BRWD1: variants seen among roughly 807,000 people sequenced by gnomAD.
The protein encoded by BRWD1 is bromodomain and WD repeat domain containing 1.
In BRWD1, 82 loss-of-function variants were observed where a neutral mutation model predicts 251.2. The observed-to-expected ratio is 0.33, with a 90% CI of 0.27 to 0.39. The LOEUF is 0.39. BRWD1 is among the 10% of genes least tolerant of loss of function. BRWD1 has a pLI of 1.00. For missense variants in BRWD1, 2,233 were observed against 2,711.6 expected (o/e 0.82, Z 3.92); for synonymous variants, 918 against 902.8 (o/e 1.02, Z -0.30).
chr21:39,304,182 G>C (rs1212687660), intron 4 of BRWD1, among the ~76,000 whole-genome samples: 1 of 140,764 alleles, frequency 7.1e-6, no homozygotes, highest in Non-Finnish European at 1.6e-5. Flanking sequence ...AGAATAAGTA[G>C]AATACTTTTT....
At chr21:39,292,732 C>T (rs976671357) in intron 8 of BRWD1, among the ~76,000 whole-genome samples, 10 of 116,854 alleles carry the variant, frequency 8.6e-5, no homozygotes, top group African/African-American at 2.8e-4. Context: ...GGTCCTTCAA[C>T]GAAGAAACTG....
rs2031748319 is a variant in BRWD1 at position 39,195,224 on chromosome 21, A to C, written c.*1035T>G. On this transcript the variant is annotated 3_prime_UTR_variant, in exon 41 of 41. Transcript: ENST00000342449. The stretch of plus-strand genomic sequence containing the variant: ...GTAAACTAAAACAAAGAGATGGAGA[A>C]TGACATTTAGCTATTTTCCTATATA... The C allele has an allele frequency of 9.6e-7, 1 of 1,037,714 alleles. No homozygotes were observed. The highest frequency in any genetic ancestry group is 1.7e-5 in the African/African-American group (1 of 57,928). The allele number at this position is 1,037,714 out of a possible 1,614,324, so 64.3% of individuals were successfully genotyped here. A position where few individuals can be genotyped will look rare whatever the true frequency, so the allele number is the denominator to read the frequency against.
chr21:39,270,527 C>G (rs1045975233), intron 13 of BRWD1, 94 bp from the exon 14 acceptor site: 2 of 1,051,946 alleles, frequency 1.9e-6, no homozygotes, highest in Non-Finnish European at 2.7e-6. Context: ...AGAAATCCAA[C>G]CCATGTGCCT....
At chr21:39,315,273 G>A (rs936778656), upstream of BRWD1, among the ~76,000 whole-genome samples, 8 of 151,882 alleles carry the variant, frequency 5.3e-5, no homozygotes, top group South Asian at 1.0e-3. Flanking sequence ...CGAAGTGCTG[G>A]GGATTACATG....
intron 8 of BRWD1, among the ~76,000 whole-genome samples, chr21:39,283,475 G>T (rs1395120042): frequency 6.6e-6 from 1 of 152,052 alleles, no homozygotes; most frequent in Non-Finnish European, 1.5e-5. Flanking sequence ...TGTGTTTGAG[G>T]GGTTTTGTTG....
chr21:39,259,971 G>A (rs2034687511), intron 17 of BRWD1, among the ~76,000 whole-genome samples: 2 of 152,148 alleles, frequency 1.3e-5, no homozygotes, highest in African/African-American at 4.8e-5. Context: ...TATGGGATGG[G>A]CAAGGGAGGA....
In BRWD1 at chr21:39,206,088, G is replaced by C. The variant is rs74276582; in HGVS notation, c.4364+20C>G. On this transcript the variant is annotated intron_variant, in intron 37 of 40. Transcript: ENST00000342449. Reference sequence around the variant, plus strand: ...AAAATTAAATAAATAAATAAAGCAAGCTTGCCATAACCAGTTTACCTGATA... The same window carrying C: ...AAAATTAAATAAATAAATAAAGCAACCTTGCCATAACCAGTTTACCTGATA... 1.9e-6 allele frequency: 3 copies of C among 1,583,706 alleles called. No homozygotes were observed. Among genetic ancestry groups the C allele is most frequent in the Non-Finnish European group, 2.6e-6 (3 of 1,166,784 alleles).
At position 39,247,705 on chromosome 21, in the gene BRWD1, C is replaced by T. The variant is rs61745725; in HGVS notation, c.2477G>A (p.Arg826Lys). 1 of 1,607,330 alleles carries T rather than the reference C, an allele frequency of 6.2e-7. No homozygotes were observed. Among genetic ancestry groups the T allele is most frequent in the Non-Finnish European group, 8.5e-7 (1 of 1,178,092 alleles). ...SSGNESSSSV[R>K]HETSCDQSEG... is the part of the protein sequence containing the mutation. ...ATTTTAAAGTTTTCCACTCACATGTCTTACAGAGCTTGAAGACTCATTTCC... is the reference window on the plus strand; with the variant it reads ...ATTTTAAAGTTTTCCACTCACATGTTTTACAGAGCTTGAAGACTCATTTCC... The change falls in exon 21 of 41, where the codon AGA becomes AAA. Residue 826 changes from arginine to lysine, a missense_variant. Coordinates refer to ENST00000342449, the MANE Select transcript of BRWD1 (RefSeq NM_033656.4).
upstream of BRWD1, among the ~76,000 whole-genome samples, chr21:39,316,681 G>A (rs138316738): frequency 2.6e-5 from 4 of 152,328 alleles, no homozygotes; most frequent in African/African-American, 7.2e-5. Context: ...GCTCACACCT[G>A]TAATCCCAGC....
At chr21:39,208,905 CCTT>C (rs1418379629) in intron 36 of BRWD1, among the ~76,000 whole-genome samples, 1 of 151,686 alleles carries the variant, frequency 6.6e-6, no homozygotes, top group Non-Finnish European at 1.5e-5. Context: ...ACTTTAGTAA[CCTT>C]CTACTGAAAC....
Position 39,271,696 on chromosome 21 carries a change from CAAAAAAAA to C in BRWD1, c.1245-1271_1245-1264del, listed in dbSNP as rs34900726. 1.4e-3 allele frequency among the ~76,000 whole-genome samples: 81 copies of C among 59,862 alleles called. 1 individual carries two copies. The highest frequency in any genetic ancestry group is 4.0e-4 in the Non-Finnish European group (14 of 35,396). The allele number at this position is 59,862 out of a possible 152,430, so 39.3% of individuals were successfully genotyped here. A position where few individuals can be genotyped will look rare whatever the true frequency, so the allele number is the denominator to read the frequency against. On this transcript the variant is annotated intron_variant, in intron 13 of 40. Transcript: ENST00000342449. The stretch of plus-strand genomic sequence containing the variant: ...TGGGCAACAGAGCAAGACTCCGTCT[CAAAAAAAA>C]AAAAAAAAAAAAAAAGATATTACAA...
chr21:39,199,657 C>T lies in BRWD1; in HGVS notation c.4759G>A (p.Val1587Ile), dbSNP rs1442327886. 9 of 1,594,754 alleles carry T rather than the reference C, an allele frequency of 5.6e-6. No individual in the cohort carries two copies. The highest frequency in any genetic ancestry group is 2.3e-5 in the South Asian group (2 of 87,398). ...TRAAQRKTGP[V>I]SLANGCGRKA... Reference sequence around the variant, plus strand: ...CTGCCACATCCATTTGCTAATGAAACGGGACCTAGAAATAAGGTTAACAAT... The same window carrying T: ...CTGCCACATCCATTTGCTAATGAAATGGGACCTAGAAATAAGGTTAACAAT... Residue 1587 changes from valine to isoleucine, a missense_variant, in exon 40 of 41, where the codon GTT (valine) becomes ATT (isoleucine). Coordinates refer to ENST00000342449, the MANE Select transcript of BRWD1 (RefSeq NM_033656.4).
At chr21:39,208,524 G>T (rs1308066919) in intron 36 of BRWD1, among the ~76,000 whole-genome samples, 1 of 152,176 alleles carries the variant, frequency 6.6e-6, no homozygotes, top group East Asian at 1.9e-4. Context: ...GATCAAACAA[G>T]TATTTTACTT....
chr21:39,237,246 G>A (rs1470173704), intron 22 of BRWD1, among the ~76,000 whole-genome samples: 1 of 152,116 alleles, frequency 6.6e-6, no homozygotes, highest in Non-Finnish European at 1.5e-5. Context: ...AGAAGCCCAA[G>A]GGAAGCATAG....
rs2031687344 is a variant in BRWD1 at position 39,194,025 on chromosome 21, C to CA, written c.*2233dup. The stretch of plus-strand genomic sequence containing the variant: ...GCTATGCTTTTAAAGACATCAGGTC[C>CA]ATTCTTGCTGCTTCTGATGAAACCA... On this transcript the variant is annotated 3_prime_UTR_variant, in exon 41 of 41. Coordinates refer to ENST00000342449, the MANE Select transcript of BRWD1 (RefSeq NM_033656.4). 1 of 985,492 alleles carries CA rather than the reference C, an allele frequency of 1.0e-6. No individual in the cohort carries two copies. Among genetic ancestry groups the CA allele is most frequent in the Non-Finnish European group, 1.2e-6 (1 of 829,702 alleles). 61.0% of individuals were successfully genotyped at this position (985,492 alleles called of 1,614,324 possible). A position where few individuals can be genotyped will look rare whatever the true frequency, so the allele number is the denominator to read the frequency against.
rs1167971320 is a variant in BRWD1 at position 39,186,887 on chromosome 21, C to T, written c.*9372G>A. 1.4e-6 allele frequency: 2 copies of T among 1,393,102 alleles called. No homozygotes were observed. The highest frequency in any genetic ancestry group is 2.9e-5 in the African/African-American group (2 of 68,042). The allele number at this position is 1,393,102 out of a possible 1,614,324, so 86.3% of individuals were successfully genotyped here. A position where few individuals can be genotyped will look rare whatever the true frequency, so the allele number is the denominator to read the frequency against. On this transcript the variant is annotated 3_prime_UTR_variant, in exon 41 of 41. Transcript: ENST00000342449. ...CTGTACAAGAGCTGACTGGGAGGAA[C>T]CCACTGGATTATGGCTTTTAGAAAA...
Position 39,188,625 on chromosome 21 carries a change from T to C in BRWD1, c.*7634A>G. ...AAACTGCTTCTGTGGACTGACATGT[T>C]CATACAGCTAGACTAATGAGGCAGG... On this transcript the variant is annotated 3_prime_UTR_variant, in exon 41 of 41. Coordinates refer to ENST00000342449, the MANE Select transcript of BRWD1 (RefSeq NM_033656.4). The C allele has an allele frequency of 1.0e-6, 1 of 985,428 alleles. No individual in the cohort carries two copies. The highest frequency in any genetic ancestry group is 1.2e-6 in the Non-Finnish European group (1 of 829,932). 61.0% of individuals were successfully genotyped at this position (985,428 alleles called of 1,614,324 possible). A position where few individuals can be genotyped will look rare whatever the true frequency, so the allele number is the denominator to read the frequency against.
rs1477549043 is a variant in BRWD1 at position 39,192,347 on chromosome 21, T to C, written c.*3912A>G. 3 of 985,164 alleles carry C rather than the reference T, an allele frequency of 3.0e-6. No individual in the cohort carries two copies. The highest frequency in any genetic ancestry group is 3.5e-5 in the African/African-American group (2 of 57,214). 61.0% of individuals were successfully genotyped at this position (985,164 alleles called of 1,614,324 possible). A position where few individuals can be genotyped will look rare whatever the true frequency, so the allele number is the denominator to read the frequency against. On this transcript the variant is annotated 3_prime_UTR_variant, in exon 41 of 41. Coordinates refer to ENST00000342449, the MANE Select transcript of BRWD1 (RefSeq NM_033656.4). Reference sequence around the variant, plus strand: ...ACTCAGTTTTTCCCACAATGCTCTATTTTCTCACCTAGTTTTGACAAATTT... The same window carrying C: ...ACTCAGTTTTTCCCACAATGCTCTACTTTCTCACCTAGTTTTGACAAATTT...
Position 39,218,940 on chromosome 21 carries a change from C to A in BRWD1, c.3383-280G>T, listed in dbSNP as rs563708723. ...ATTTCTTCAAGGAGGCAAACTTAAC[C>A]CTGAGGCCTCTGAAAACACAAATTG... On this transcript the variant is annotated intron_variant, in intron 29 of 40. Transcript: ENST00000342449. Among the ~76,000 whole-genome samples, 10 of 152,044 alleles carry A rather than the reference C, an allele frequency of 6.6e-5. No individual in the cohort carries two copies. The South Asian group carries it at 1.7e-3, about 25-fold the overall frequency.
Sources: allele counts gnomAD v4.1 joint callset (sites outside exome capture counted in the v4.1 genomes callset), GRCh38; gene constraint gnomAD v4.1.1; transcripts MANE v1.5; gene names NCBI Gene and HGNC (gene_info 2026-07-23, HGNC 2026-07-21).